Variants in TENM1 observed in about 807,000 individuals in gnomAD.
The protein encoded by TENM1 is teneurin transmembrane protein 1.
Under a neutral mutation model 174.8 loss-of-function variants are expected in TENM1, and 35 were observed. The ratio of observed to expected loss-of-function variants is 0.20; its 90% CI spans 0.15 to 0.27. TENM1 has a LOEUF of 0.27. TENM1 is among the 10% of genes least tolerant of loss of function. The pLI, the probability that TENM1 is intolerant of heterozygous loss-of-function variation, is 1.00. For synonymous variants in TENM1, 781 were observed against 798.7 expected, an observed-to-expected ratio of 0.98 and a Z score of 0.37; for missense variants, 1,633 against 2,130.1, an observed-to-expected ratio of 0.77 and a Z score of 4.59.
At chrX:124,868,069 C>T (rs573841905) in intron 3 of TENM1, among the ~76,000 whole-genome samples, 1 of 111,742 alleles carries the variant, frequency 8.9e-6, no homozygotes, top group African/African-American at 3.3e-5. Context: ...AAGCAATCTA[C>T]AGATTTGATG....
chrX:125,078,813 T>G, the TENM1 span, among the ~76,000 whole-genome samples: 582 of 112,058 alleles, frequency 5.2e-3, 2 homozygotes, highest in African/African-American at 0.017. Flanking sequence ...ATGAAATGGT[T>G]TACATAAAAC....
chrX:124,913,508 T>C (rs2057871190), intron 1 of TENM1, among the ~76,000 whole-genome samples: 1 of 111,931 alleles, frequency 8.9e-6, no homozygotes, highest in African/African-American at 3.2e-5. Flanking sequence ...ATGGGCCTTC[T>C]TGATAAAAAT....
the TENM1 span, among the ~76,000 whole-genome samples, chrX:125,030,593 C>G: frequency 8.9e-6 from 1 of 112,085 alleles, no homozygotes; most frequent in Non-Finnish European, 1.9e-5. Flanking sequence ...GAAAAGTTTA[C>G]TTATCTTTAC....
At chrX:124,617,833 G>A (rs2050431582) in intron 11 of TENM1, among the ~76,000 whole-genome samples, 3 of 110,965 alleles carry the variant, frequency 2.7e-5, no homozygotes, top group Non-Finnish European at 5.7e-5. Flanking sequence ...CTGAGATTCC[G>A]GGACAAAGAG....
chrX:124,489,063 G>A lies in TENM1; in HGVS notation c.3696-1834C>T, dbSNP rs148018654. ...TTGTTCTGTCTCAGAATTACTTTTC[G>A]TTAAGGATTTAGGACTGAGCCACCA... On this transcript the variant is annotated intron_variant, in intron 20 of 31. Coordinates refer to ENST00000422452, the Ensembl canonical transcript of TENM1. Among the ~76,000 whole-genome samples the A allele has an allele frequency of 4.6e-3, 513 of 112,325 alleles. 5 individuals carry two copies. The highest frequency in any genetic ancestry group is 0.015 in the African/African-American group (476 of 30,931).
intron 24 of TENM1, 113 bp downstream of exon 27, chrX:124,422,159 A>G (rs1251314025): frequency 4.1e-6 from 4 of 970,266 alleles, no homozygotes; most frequent in Non-Finnish European, 5.6e-6. Context: ...ACTAGCTCAT[A>G]CCAATGTTTG....
At chrX:124,982,476 A>T in the TENM1 span, among the ~76,000 whole-genome samples, 1 of 111,354 alleles carries the variant, frequency 9.0e-6, no homozygotes, top group East Asian at 2.8e-4. Flanking sequence ...CCAGCAGGGA[A>T]GGGAGATGCC....
Position 124,690,484 on chromosome X carries a change from A to AGTGTGT in TENM1, c.1015+14523_1015+14528dup, listed in dbSNP as rs58386633. On this transcript the variant is annotated intron_variant, in intron 5 of 31. Coordinates refer to ENST00000422452, the Ensembl canonical transcript of TENM1. ...TAGATTTTATAACCTGCTTTGTTAG[A>AGTGTGT]GTGTGTGTGTGTGTGTGTGTGTGTG... Among the ~76,000 whole-genome samples the AGTGTGT allele has an allele frequency of 3.6e-3, 334 of 93,480 alleles. 2 individuals carry two copies. The highest frequency in any genetic ancestry group is 9.0e-3 in the East Asian group (26 of 2,873). 81.2% of individuals were successfully genotyped at this position (93,480 alleles called of 115,157 possible).
chrX:124,635,654 G>C (rs1297592620), intron 11 of TENM1, among the ~76,000 whole-genome samples: 1 of 112,339 alleles, frequency 8.9e-6, no homozygotes, highest in Non-Finnish European at 1.9e-5. Context: ...TCATCAAGAA[G>C]AGAGTAGTAC....
At chrX:125,014,060 T>C in the TENM1 span, among the ~76,000 whole-genome samples, 1 of 111,432 alleles carries the variant, frequency 9.0e-6, no homozygotes, top group African/African-American at 3.3e-5. Context: ...AGTTCATATA[T>C]CAATAGACTC....
At position 124,515,834 on chromosome X, in the gene TENM1, GA is replaced by G. The variant is rs747846041; in HGVS notation, c.3301+4682del. Reference sequence around the variant, plus strand: ...ACCAATGACATTCTTCCCAGAATTAGAAAAAAAAAAACCTCTAAAATTCATA... The same window carrying G: ...ACCAATGACATTCTTCCCAGAATTAGAAAAAAAAAACCTCTAAAATTCATA... On this transcript the variant is annotated intron_variant, in intron 18 of 31. Transcript: ENST00000422452. Among the ~76,000 whole-genome samples the G allele has an allele frequency of 8.7e-3, 841 of 96,145 alleles. 3 individuals are homozygous for G. The highest frequency in any genetic ancestry group is 0.013 in the Non-Finnish European group (634 of 47,075). The allele number at this position is 96,145 out of a possible 115,157, so 83.5% of individuals were successfully genotyped here.
At chrX:124,921,823 A>T (rs2058026752) in intron 1 of TENM1, among the ~76,000 whole-genome samples, 1 of 111,805 alleles carries the variant, frequency 8.9e-6, no homozygotes, top group Admixed American at 9.5e-5. Flanking sequence ...CTGAACTGAG[A>T]TCTACTGCAA....
the TENM1 span, among the ~76,000 whole-genome samples, chrX:125,044,469 T>G: frequency 5.4e-5 from 6 of 110,182 alleles, no homozygotes; most frequent in African/African-American, 1.3e-4. Context: ...ACACACCTGT[T>G]GCTCTAGCTA....
intron 3 of TENM1, among the ~76,000 whole-genome samples, chrX:124,756,027 T>C (rs2054228027): frequency 9.6e-6 from 1 of 103,665 alleles, no homozygotes; most frequent in Non-Finnish European, 1.9e-5. Flanking sequence ...TGAATCTGAA[T>C]GTTGGCCTGC....
At chrX:125,072,256 C>T in the TENM1 span, among the ~76,000 whole-genome samples, 1 of 111,482 alleles carries the variant, frequency 9.0e-6, no homozygotes, top group African/African-American at 3.3e-5. Context: ...GTCTGGTTTT[C>T]CTTTCCTTTA....
intron 4 of TENM1, among the ~76,000 whole-genome samples, chrX:124,735,629 T>C (rs756202542): frequency 5.4e-5 from 6 of 111,735 alleles, no homozygotes; most frequent in African/African-American, 2.0e-4. Flanking sequence ...AAAAGACACC[T>C]GCATGCATGT....
the TENM1 span, among the ~76,000 whole-genome samples, chrX:125,036,323 T>G: frequency 8.9e-6 from 1 of 111,851 alleles, no homozygotes; most frequent in Non-Finnish European, 1.9e-5. Flanking sequence ...TTTTTCACCC[T>G]AAATAAAGCA....
chrX:125,109,652 G>T, the TENM1 span, among the ~76,000 whole-genome samples: 85 of 111,333 alleles, frequency 7.6e-4, no homozygotes, highest in Non-Finnish European at 1.4e-3. Context: ...GAGAAACATG[G>T]TTTTTCTCTG....
At chrX:125,172,559 T>C in the TENM1 span, among the ~76,000 whole-genome samples, 1 of 111,619 alleles carries the variant, frequency 9.0e-6, no homozygotes, top group South Asian at 3.7e-4. Flanking sequence ...TCTAGACCAA[T>C]TTTTTAAAAA....
Sources: gnomAD v4.1 joint callset for allele counts (sites outside exome capture counted in the v4.1 genomes callset) on GRCh38, gnomAD v4.1.1 for gene constraint, MANE v1.5 for transcripts, NCBI Gene and HGNC (gene_info 2026-07-23, HGNC 2026-07-21) for gene names.